Variants in CDC16 observed in about 807,000 individuals in gnomAD.
CDC16 encodes cell division cycle 16.
In CDC16, 34 loss-of-function variants were observed where a neutral mutation model predicts 87.0. The ratio of observed to expected loss-of-function variants is 0.39; its 90% confidence interval spans 0.30 to 0.52. The LOEUF is 0.52. CDC16 is among the 20% of genes least tolerant of loss of function. The pLI is 0.74. For synonymous variants in CDC16, 263 were observed against 260.6 expected, an observed-to-expected ratio of 1.01 and a Z score of -0.09; for missense variants, 653 against 751.9, an observed-to-expected ratio of 0.87 and a Z score of 1.54.
chr13:114,235,457 G>A (rs911638208), intron 1 of CDC16, among the ~76,000 whole-genome samples: 16 of 152,246 alleles, frequency 1.1e-4, no homozygotes, highest in African/African-American at 1.4e-4. Flanking sequence ...AATTTTTGGA[G>A]GAAAGTTGCA....
Position 114,234,986 on chromosome 13 carries a change from CGGCTGCAGGCACG to C in CDC16, c.-95_-83del, listed in dbSNP as rs2081166525. ...CCTTCGAGTCCTGGGGCGGCGGCGG[CGGCTGCAGGCACG>C]GGCACGGGCACGGGGCGGGGTGCTT... On this transcript the variant is annotated 5_prime_UTR_variant, in exon 1 of 18. Coordinates refer to ENST00000356221, the MANE Select transcript of CDC16 (RefSeq NM_001078645.3). The C allele has an allele frequency of 2.0e-6, 2 of 986,928 alleles. No individual in the cohort carries two copies. Among genetic ancestry groups the C allele is most frequent in the African/African-American group, 3.4e-5 (2 of 58,550 alleles). The allele number at this position is 986,928 out of a possible 1,614,324, so 61.1% of individuals were successfully genotyped here.
At chr13:114,271,772 C>T (rs995128606) in intron 17 of CDC16, among the ~76,000 whole-genome samples, 7 of 152,076 alleles carry the variant, frequency 4.6e-5, no homozygotes, top group East Asian at 1.9e-4. Flanking sequence ...TGAGCCACCG[C>T]GCCTGGCCAC....
intron 12 of CDC16, among the ~76,000 whole-genome samples, chr13:114,252,510 A>G (rs2082252529): frequency 6.6e-6 from 1 of 152,136 alleles, no homozygotes; most frequent in Non-Finnish European, 1.5e-5. Flanking sequence ...GGATCCACCT[A>G]AATGGTCCTC....
intron 17 of CDC16, among the ~76,000 whole-genome samples, chr13:114,265,552 C>T (rs1409635760): frequency 2.0e-5 from 3 of 152,154 alleles, no homozygotes. Flanking sequence ...ATCTTAGCAA[C>T]ATTTTTCTGA....
intron 17 of CDC16, among the ~76,000 whole-genome samples, chr13:114,269,325 C>T (rs1447798141): frequency 1.3e-5 from 2 of 152,166 alleles, no homozygotes; most frequent in African/African-American, 4.8e-5. Context: ...ACATCACTTC[C>T]GTCACGTTCT....
In CDC16 at chr13:114,263,008, C is replaced by T. The variant is rs1190550217; in HGVS notation, c.1506C>T (p.Phe502=). The change falls in exon 16 of 18, where the codon TTC becomes TTT. Residue 502 remains phenylalanine, a synonymous_variant. Transcript: ENST00000356221. ...MGNFENAVDY[F]HTALGLRRDD... is the part of the protein sequence containing the mutation. Reference sequence around the variant, plus strand: ...ACTTTGAAAATGCTGTGGACTACTTCCACACAGTATGTCTTTTCTTTGTAC... The same window carrying T: ...ACTTTGAAAATGCTGTGGACTACTTTCACACAGTATGTCTTTTCTTTGTAC... The T allele has an allele frequency of 3.1e-6, 5 of 1,613,542 alleles. No homozygotes were observed. The highest frequency in any genetic ancestry group is 1.1e-5 in the South Asian group (1 of 91,072).
chr13:114,268,742 C>T (rs553497015), intron 17 of CDC16, among the ~76,000 whole-genome samples: 14 of 152,198 alleles, frequency 9.2e-5, no homozygotes, highest in African/African-American at 3.4e-4. Context: ...ATTACTGGAG[C>T]CCAGGAGATC....
rs775838161 is a variant in CDC16 at position 114,272,681 on chromosome 13, T to C, written c.*238T>C. The C allele has an allele frequency of 2.6e-5, 10 of 380,498 alleles. No individual in the cohort carries two copies. Among genetic ancestry groups the C allele is most frequent in the South Asian group, 8.0e-5 (1 of 12,522 alleles). The allele number at this position is 380,498 out of a possible 1,614,324, so 23.6% of individuals were successfully genotyped here. ...AATAAAGAAGGTAAACCATCTGTTA[T>C]GTCTTTTTTTTTCTTTTCCAATAAA... On this transcript the variant is annotated 3_prime_UTR_variant, in exon 18 of 18. Coordinates refer to ENST00000356221, the MANE Select transcript of CDC16 (RefSeq NM_001078645.3).
chr13:114,260,889 TG>T (rs2139112111), intron 14 of CDC16, among the ~76,000 whole-genome samples: 1 of 152,316 alleles, frequency 6.6e-6, no homozygotes, highest in Non-Finnish European at 1.5e-5. Context: ...ATATATTTAA[TG>T]AGTGTCAGCC....
chr13:114,268,055 G>C (rs1163278017), intron 17 of CDC16, among the ~76,000 whole-genome samples: 2 of 152,172 alleles, frequency 1.3e-5, no homozygotes, highest in Non-Finnish European at 2.9e-5. Flanking sequence ...ACTGTCACCA[G>C]AGTGTCCCCA....
At chr13:114,267,226 G>T (rs1241822281) in intron 17 of CDC16, among the ~76,000 whole-genome samples, 1 of 151,540 alleles carries the variant, frequency 6.6e-6, no homozygotes, top group Non-Finnish European at 1.5e-5. Flanking sequence ...GGTGGCCCAC[G>T]CCTGTAATCC....
At position 114,261,860 on chromosome 13, in the gene CDC16, C is replaced by G. The variant is rs372837301; in HGVS notation, c.1315-27C>G. 5 of 1,538,774 alleles carry G rather than the reference C, an allele frequency of 3.2e-6. No individual in the cohort carries two copies. The South Asian group carries it at 4.7e-5, about 15-fold the overall frequency. On this transcript the variant is annotated intron_variant, in intron 14 of 17. Coordinates refer to ENST00000356221, the MANE Select transcript of CDC16 (RefSeq NM_001078645.3). ...AGGCTGAACAGTGACATATATAACT[C>G]GTGGGCTTGATGTTGCTATGTTTTA... is the stretch of plus-strand genomic sequence containing the variant.
chr13:114,260,064 C>T (rs1177638830), intron 14 of CDC16, among the ~76,000 whole-genome samples: 4 of 152,272 alleles, frequency 2.6e-5, no homozygotes, highest in Admixed American at 1.3e-4. Context: ...CTGTTTCATT[C>T]GTGCCTGTTT....
chr13:114,268,382 G>C (rs545140855), intron 17 of CDC16, among the ~76,000 whole-genome samples: 1 of 152,358 alleles, frequency 6.6e-6, no homozygotes, highest in East Asian at 1.9e-4. Context: ...AATGGAACAT[G>C]AAAGCATAGG....
In CDC16 at chr13:114,244,826, C is replaced by T. The variant is rs376925220; in HGVS notation, c.768-64C>T. The stretch of plus-strand genomic sequence containing the variant: ...TACCATAATGACTGTCTACACATAG[C>T]CGATCGTCGTGAGTGCTGTCACCTG... On this transcript the variant is annotated intron_variant, in intron 8 of 17. Coordinates refer to ENST00000356221, the MANE Select transcript of CDC16 (RefSeq NM_001078645.3). 1.1e-3 allele frequency: 1,064 copies of T among 943,676 alleles called. 9 individuals carry two copies. The highest frequency in any genetic ancestry group is 8.4e-3 in the South Asian group (620 of 73,748). The allele number at this position is 943,676 out of a possible 1,614,324, so 58.5% of individuals were successfully genotyped here.
intron 12 of CDC16, among the ~76,000 whole-genome samples, chr13:114,255,953 A>G (rs186580019): frequency 1.4e-4 from 22 of 152,358 alleles, no homozygotes; most frequent in African/African-American, 4.8e-4. Flanking sequence ...AGACAGGTCA[A>G]ATAGCAGCAG....
At chr13:114,255,725 C>A (rs541290076) in intron 12 of CDC16, among the ~76,000 whole-genome samples, 2 of 152,340 alleles carry the variant, frequency 1.3e-5, no homozygotes, top group African/African-American at 4.8e-5. Context: ...TCACTGCATT[C>A]TCAAACTCCT....
intron 5 of CDC16, among the ~76,000 whole-genome samples, chr13:114,240,714 AT>A (rs2081503914): frequency 6.6e-6 from 1 of 151,954 alleles, no homozygotes; most frequent in Non-Finnish European, 1.5e-5. Context: ...TTAGATAGTT[AT>A]TTTTAAGCAT....
At position 114,251,163 on chromosome 13, in the gene CDC16, C is replaced by G. The variant is rs17338103; in HGVS notation, c.1097+489C>G. Among the ~76,000 whole-genome samples, 199 of 152,248 alleles carry G rather than the reference C, an allele frequency of 1.3e-3. 3 individuals carry two copies. The East Asian group carries it at 0.035, about 26-fold the overall frequency. On this transcript the variant is annotated intron_variant, in intron 12 of 17. Coordinates refer to ENST00000356221, the MANE Select transcript of CDC16 (RefSeq NM_001078645.3). The stretch of plus-strand genomic sequence containing the variant: ...GACTGTTTGGTCTCACCATCGGTTA[C>G]AACTTACAGGGTTGGTTTGTGTGGA...
Sources: gnomAD v4.1 joint callset for allele counts (sites outside exome capture counted in the v4.1 genomes callset) on GRCh38, gnomAD v4.1.1 for gene constraint, MANE v1.5 for transcripts, NCBI Gene and HGNC (gene_info 2026-07-23, HGNC 2026-07-21) for gene names.